The following TMEM201 variants were observed in gnomAD, a reference collection of about 807,000 sequenced individuals.
TMEM201 encodes RP13-15M17.2.
A neutral mutation model predicts 63.4 loss-of-function variants in TMEM201; 26 were observed. The observed-to-expected ratio is 0.41, with a 90% CI of 0.30 to 0.57. The LOEUF is 0.57. Ranked by LOEUF, TMEM201 falls within the 20% of genes least tolerant of loss-of-function variation. TMEM201 has a pLI of 0.29. For synonymous variants in TMEM201, 417 were observed against 421.6 expected (o/e 0.99, Z 0.14); for missense variants, 794 against 917.7 (o/e 0.87, Z 1.74).
At chr1:9,594,669 A>G (rs1027755059) in intron 1 of TMEM201, among the ~76,000 whole-genome samples, 3 of 152,144 alleles carry the variant, frequency 2.0e-5, no homozygotes, top group Non-Finnish European at 4.4e-5. Context: ...CCTGCTTCCC[A>G]GGGCCCAGCC....
At chr1:9,597,392 T>C (rs976188576) in intron 3 of TMEM201, among the ~76,000 whole-genome samples, 4 of 152,198 alleles carry the variant, frequency 2.6e-5, no homozygotes, top group Non-Finnish European at 5.9e-5. Flanking sequence ...GGAAGGGACC[T>C]TGGGTTCCAG....
At chr1:9,601,012 G>A (rs922439483) in intron 4 of TMEM201, 93 bp from the exon 5 acceptor site, 29 of 1,138,606 alleles carry the variant, frequency 2.5e-5, no homozygotes, top group Non-Finnish European at 3.7e-5. Flanking sequence ...GAGAACATGG[G>A]TCTGGCCAGA....
chr1:9,612,872 GTACCC>G (rs1644343606), intron 10 of TMEM201, 109 bp from the exon 11 acceptor site: 1 of 873,474 alleles, frequency 1.1e-6, no homozygotes, highest in South Asian at 1.6e-5. Flanking sequence ...GTCTCAGAGA[GTACCC>G]TGGGCAGAGC....
At chr1:9,598,213 C>T (rs996919764) in intron 3 of TMEM201, among the ~76,000 whole-genome samples, 1 of 152,224 alleles carries the variant, frequency 6.6e-6, no homozygotes, top group Non-Finnish European at 1.5e-5. Context: ...GTTAGTGTCC[C>T]CATCACTTGT....
At chr1:9,599,234 C>G (rs371112790) in intron 4 of TMEM201, among the ~76,000 whole-genome samples, 33 of 152,092 alleles carry the variant, frequency 2.2e-4, no homozygotes, top group Non-Finnish European at 4.0e-4. Flanking sequence ...GCCACCATGC[C>G]TAGCCTTTTA....
In TMEM201 at chr1:9,610,642, C is replaced by T; in HGVS notation, c.1602C>T (p.Asn534=). ...RRPLISPARL[N]LKGQKLLLFP... ...CCCTCATCAGCCCTGCCCGGCTCAA[C>T]CTGAAGGGACAGAAGCTGCTGCTGT... is the stretch of plus-strand genomic sequence containing the variant. Residue 534 remains asparagine (N), a synonymous_variant, in exon 9 of 11, where the codon AAC becomes AAT. Coordinates refer to ENST00000340381, the MANE Select transcript of TMEM201 (RefSeq NM_001130924.3). This position sits in a 1 kb window ranked among gnomAD's most constrained non-coding sequence, Gnocchi z 4.9. 3.2e-6 allele frequency: 5 copies of T among 1,550,680 alleles called. No homozygotes were observed. Among genetic ancestry groups the T allele is most frequent in the East Asian group, 2.4e-5 (1 of 40,912 alleles).
In TMEM201 at chr1:9,613,062, T is replaced by C. The variant is rs1054491970; in HGVS notation, c.1980T>C (p.Phe660=). 1.3e-6 allele frequency: 2 copies of C among 1,551,172 alleles called. No homozygotes were observed. The highest frequency in any genetic ancestry group is 2.0e-5 in the Admixed American group (1 of 51,012). The stretch of plus-strand genomic sequence containing the variant: ...CCAACGCCCTGTTCACCTCGGTGTT[T>C]CTGTACCAGAGCCTGCGCTGACCCA... ...LAANALFTSV[F]LYQSLR Residue 660 remains phenylalanine, a synonymous_variant, in exon 11 of 11, where the codon TTT becomes TTC. Transcript: ENST00000340381.
chr1:9,601,650 C>T (rs796078151), intron 5 of TMEM201, among the ~76,000 whole-genome samples, 196 bp downstream of exon 5: 49 of 152,322 alleles, frequency 3.2e-4, no homozygotes, highest in African/African-American at 1.1e-3. Flanking sequence ...GAGCCAGCCC[C>T]GTGCACACCC....
chr1:9,595,564 TG>T (rs1323880036), intron 1 of TMEM201, among the ~76,000 whole-genome samples: 4 of 152,108 alleles, frequency 2.6e-5, no homozygotes, highest in Admixed American at 1.3e-4. Flanking sequence ...CAGGTGGCCC[TG>T]GGTCCCCGTG....
In TMEM201 at chr1:9,607,858, A is replaced by C; in HGVS notation, c.1393+69A>C. 1 of 1,423,732 alleles carries C rather than the reference A, an allele frequency of 7.0e-7. No individual in the cohort carries two copies. The highest frequency in any genetic ancestry group is 9.6e-7 in the Non-Finnish European group (1 of 1,044,758). The allele number at this position is 1,423,732 out of a possible 1,614,324, so 88.2% of individuals were successfully genotyped here. ...AGCTGGGACAGAACTGTGGATGGGT[A>C]CATAGTGTAGGGAGGGCCGGGAGTG... On this transcript the variant is annotated intron_variant, in intron 7 of 10. Coordinates refer to ENST00000340381, the MANE Select transcript of TMEM201 (RefSeq NM_001130924.3). The surrounding 1 kb of genome is among the most constrained non-coding windows in gnomAD (Gnocchi z 5.4).
rs1200970679 is a variant in TMEM201 at position 9,605,279 on chromosome 1, A to G, written c.1161-2278A>G. Among the ~76,000 whole-genome samples the G allele has an allele frequency of 6.6e-6, 1 of 152,146 alleles. No individual in the cohort carries two copies. Among genetic ancestry groups the G allele is most frequent in the East Asian group, 1.9e-4 (1 of 5,192 alleles). Reference sequence around the variant, plus strand: ...ATCCGCTCCGGCACTCCCCAGAGCCAGCATCCAGGCCTGATCCTGGTCACT... The same window carrying G: ...ATCCGCTCCGGCACTCCCCAGAGCCGGCATCCAGGCCTGATCCTGGTCACT... On this transcript the variant is annotated intron_variant, in intron 6 of 10. Coordinates refer to ENST00000340381, the MANE Select transcript of TMEM201 (RefSeq NM_001130924.3). This position sits in a 1 kb window ranked among gnomAD's most constrained non-coding sequence, Gnocchi z 5.7.
At position 9,607,699 on chromosome 1, in the gene TMEM201, C is replaced by G; in HGVS notation, c.1303C>G (p.Arg435Gly). The change falls in exon 7 of 11, where the codon CGG becomes GGG. Residue 435 changes from arginine to glycine, a missense_variant. By Grantham distance (125) the Arg-to-Gly change is moderately radical. Transcript: ENST00000340381. This position sits in a 1 kb window ranked among gnomAD's most constrained non-coding sequence, Gnocchi z 5.4. ...GCCCCTCGCCAACCAGCAGCTCTTC[C>G]GGTCTCCTCGACGGACCTCACCCTC... The part of the protein sequence containing the change: ...FLPLANQQLF[R>G]SPRRTSPSSL... 6.4e-7 allele frequency: 1 copy of G among 1,551,948 alleles called. No homozygotes were observed. The highest frequency in any genetic ancestry group is 2.0e-5 in the Admixed American group (1 of 51,016).
At chr1:9,591,203 A>T (rs1643912492) in intron 1 of TMEM201, among the ~76,000 whole-genome samples, 1 of 152,204 alleles carries the variant, frequency 6.6e-6, no homozygotes. Context: ...TGATGGCTGT[A>T]AGCACAGCAC....
rs1293869820 is a variant in TMEM201, at chr1:9,614,804, A to G, written c.*1721A>G. 1.3e-5 allele frequency: 2 copies of G among 152,200 alleles called. No homozygotes were observed. Among genetic ancestry groups the G allele is most frequent in the South Asian group, 2.1e-4 (1 of 4,830 alleles). The allele number at this position is 152,200 out of a possible 1,614,324, so 9.4% of individuals were successfully genotyped here. On this transcript the variant is annotated 3_prime_UTR_variant, in exon 11 of 11. Transcript: ENST00000340381. ...GAGGGGGTTTTATGTTTTGTTTCAA[A>G]CAGAAAACACAACCTTATTTTTCTT...
In TMEM201 at chr1:9,597,030, G is replaced by T. The variant is rs559150393; in HGVS notation, c.406G>T (p.Ala136Ser). Residue 136 changes from alanine to serine, a missense_variant, in exon 3 of 11, where the codon GCC (alanine) becomes TCC (serine). Transcript: ENST00000340381. ...HHQTTKIKQL[A>S]AFAPREEGRY... is the part of the protein sequence containing the mutation. ...CCAGACCACCAAGATCAAGCAGCTG[G>T]CCGCCTTCGCTCCCCGCGAGGAGGT... is the stretch of plus-strand genomic sequence containing the variant. 1.2e-6 allele frequency: 2 copies of T among 1,608,292 alleles called. No individual in the cohort carries two copies. Among genetic ancestry groups the T allele is most frequent in the Admixed American group, 1.7e-5 (1 of 59,902 alleles).
chr1:9,589,277 C>G (rs918449669), intron 1 of TMEM201, among the ~76,000 whole-genome samples: 18 of 151,638 alleles, frequency 1.2e-4, no homozygotes, highest in Non-Finnish European at 2.5e-4. Flanking sequence ...GGCGAGAGCG[C>G]CGCGCGGGGG....
At chr1:9,595,803 C>G in intron 1 of TMEM201, 87 bp from the exon 2 acceptor site, 3 of 1,584,996 alleles carry the variant, frequency 1.9e-6, no homozygotes, top group Non-Finnish European at 2.6e-6. Context: ...CACCCTTTCC[C>G]TGGTGGCCCT....
Position 9,588,978 on chromosome 1 carries a change from G to C in TMEM201, c.48G>C (p.Leu16=). 1 of 1,242,130 alleles carries C rather than the reference G, an allele frequency of 8.1e-7. No homozygotes were observed. The highest frequency in any genetic ancestry group is 1.0e-6 in the Non-Finnish European group (1 of 976,850). 76.9% of individuals were successfully genotyped at this position (1,242,130 alleles called of 1,614,324 possible). A position where few individuals can be genotyped will look rare whatever the true frequency, so the allele number is the denominator to read the frequency against. The change falls in exon 1 of 11, where the codon CTG becomes CTC. Residue 16 remains leucine (L), a synonymous_variant. Coordinates refer to ENST00000340381, the MANE Select transcript of TMEM201 (RefSeq NM_001130924.3). ...ALLARCPTAG[L]AGGLGVTACA... ...TGGCCCGCTGCCCCACGGCCGGCCT[G>C]GCCGGCGGCCTGGGGGTCACGGCGT...
Position 9,605,874 on chromosome 1 carries a change from C to T in TMEM201, c.1161-1683C>T, listed in dbSNP as rs751380889. 2.0e-5 allele frequency among the ~76,000 whole-genome samples: 3 copies of T among 152,202 alleles called. No individual in the cohort carries two copies. The highest frequency in any genetic ancestry group is 4.4e-5 in the Non-Finnish European group (3 of 68,024). ...CGTGGCCCAGCTGACCACCTCATAC[C>T]CACAGCCCACTAGGACCCTCCTTTC... On this transcript the variant is annotated intron_variant, in intron 6 of 10. Transcript: ENST00000340381. The surrounding 1 kb of genome is among the most constrained non-coding windows in gnomAD (Gnocchi z 5.7).
Sources: gnomAD v4.1 joint callset for allele counts (sites outside exome capture counted in the v4.1 genomes callset) on GRCh38, gnomAD v4.1.1 for gene constraint, Gnocchi (gnomAD v3.1) non-coding constraint, MANE v1.5 for transcripts, NCBI Gene and HGNC (gene_info 2026-07-23, HGNC 2026-07-21) for gene names.